HSF2BP: variants seen among roughly 807,000 people sequenced by gnomAD.
The protein encoded by HSF2BP is heat shock transcription factor 2 binding protein, also known as heat shock factor 2-binding protein.
Under a neutral mutation model 35.0 loss-of-function variants are expected in HSF2BP, and 35 were observed. The ratio of observed to expected loss-of-function variants is 1.00; its 90% CI spans 0.76 to 1.32. HSF2BP has a LOEUF of 1.32. Ranked by LOEUF, HSF2BP falls within the 40% of genes most tolerant of loss-of-function variation. HSF2BP has a pLI of 0.00. For missense variants in HSF2BP, 326 were observed against 321.7 expected (o/e 1.01, Z -0.10); for synonymous variants, 114 against 117.4 (o/e 0.97, Z 0.18).
At position 43,597,065 on chromosome 21, in the gene HSF2BP, C is replaced by T. The variant is rs1032769724; in HGVS notation, c.693-4737G>A. On this transcript the variant is annotated intron_variant, in intron 7 of 8. Transcript: ENST00000291560. The surrounding 1 kb of genome is among the most constrained non-coding windows in gnomAD (Gnocchi z 4.3). ...GGTGGAAAGAAAGGGAAGAAGATAC[C>T]TAGAAAGGAGGGTTTCAGAACAAGG... is the stretch of plus-strand genomic sequence containing the variant. Among the ~76,000 whole-genome samples, 4 of 152,008 alleles carry T rather than the reference C, an allele frequency of 2.6e-5. No individual in the cohort carries two copies. Among genetic ancestry groups the T allele is most frequent in the African/African-American group, 9.7e-5 (4 of 41,376 alleles).
At position 43,613,877 on chromosome 21, in the gene HSF2BP, C is replaced by A; in HGVS notation, c.645G>T (p.Leu215Phe). ...NSSRVLLDTILQLLGDLKPGQ... is the reference protein window; with the variant it reads ...NSSRVLLDTIFQLLGDLKPGQ... Reference sequence around the variant, plus strand: ...CTGGCTTCAAGTCTCCCAGAAGCTGCAATATGGTGTCCAAGAGCACCCGGC... The same window carrying A: ...CTGGCTTCAAGTCTCCCAGAAGCTGAAATATGGTGTCCAAGAGCACCCGGC... Residue 215 changes from leucine (L) to phenylalanine (F), a missense_variant, in exon 7 of 9, where the codon TTG (leucine) becomes TTT (phenylalanine). Physicochemically the swap from Leu to Phe is conservative, Grantham distance 22. Coordinates refer to ENST00000291560, the MANE Select transcript of HSF2BP (RefSeq NM_007031.2). The A allele has an allele frequency of 6.2e-7, 1 of 1,613,820 alleles. No homozygotes were observed. The highest frequency in any genetic ancestry group is 1.3e-5 in the African/African-American group (1 of 75,038).
intron 7 of HSF2BP, among the ~76,000 whole-genome samples, chr21:43,599,056 AAAAGC>A (rs1289114551): frequency 6.6e-6 from 1 of 152,274 alleles, no homozygotes; most frequent in Admixed American, 6.5e-5. Flanking sequence ...GTATGTCTTA[AAAAGC>A]AAAGCTAGCA....
intron 8 of HSF2BP, among the ~76,000 whole-genome samples, chr21:43,575,652 T>C (rs527680382): frequency 8.2e-4 from 125 of 152,268 alleles, no homozygotes; most frequent in Non-Finnish European, 1.6e-3. Flanking sequence ...GCCAAATAAA[T>C]AGGAAGTGCA....
chr21:43,635,379 G>GA (rs1171654352), intron 4 of HSF2BP, among the ~76,000 whole-genome samples: 1 of 152,080 alleles, frequency 6.6e-6, no homozygotes, highest in Non-Finnish European at 1.5e-5. Context: ...AAAATTGTCT[G>GA]AAAAAGAAGA....
chr21:43,650,032 A>C (rs1257505258), intron 3 of HSF2BP, among the ~76,000 whole-genome samples: 1 of 152,228 alleles, frequency 6.6e-6, no homozygotes, highest in Non-Finnish European at 1.5e-5. Flanking sequence ...CTGGATGCTG[A>C]AAGTGATCAT....
chr21:43,596,625 G>A (rs1195741238), intron 7 of HSF2BP, among the ~76,000 whole-genome samples: 4 of 152,128 alleles, frequency 2.6e-5, no homozygotes. Context: ...CAGCACTTTG[G>A]GAGGCCAACA....
chr21:43,624,213 T>A (rs765925284), intron 6 of HSF2BP, among the ~76,000 whole-genome samples: 2 of 152,070 alleles, frequency 1.3e-5, no homozygotes, highest in African/African-American at 2.4e-5. Context: ...TCCATAACAG[T>A]CAAAAGGTGG....
chr21:43,656,668 T>C lies in HSF2BP; in HGVS notation c.106A>G (p.Met36Val). The change falls in exon 3 of 9, where the codon ATG becomes GTG. Residue 36 changes from methionine to valine, a missense_variant. By Grantham distance (21) the Met-to-Val change is conservative. Transcript: ENST00000291560. ...KDLERLTTEVMQIRDFLPRIL... is the reference protein window; with the variant it reads ...KDLERLTTEVVQIRDFLPRIL... ...CTGGGTAAGAAGTCCCGTATTTGCA[T>C]CACTTCAGTTGTCAGCCGTTCCAGA... The C allele has an allele frequency of 8.1e-6, 13 of 1,613,986 alleles. No individual in the cohort carries two copies. The highest frequency in any genetic ancestry group is 1.1e-5 in the Non-Finnish European group (13 of 1,179,828).
intron 6 of HSF2BP, among the ~76,000 whole-genome samples, chr21:43,616,263 C>G (rs1372791902): frequency 1.3e-5 from 2 of 152,162 alleles, no homozygotes; most frequent in African/African-American, 4.8e-5. Context: ...CCACTTTGGT[C>G]TCCTGCCACT....
chr21:43,593,027 C>T (rs1202222310), intron 7 of HSF2BP, among the ~76,000 whole-genome samples: 1 of 152,070 alleles, frequency 6.6e-6, no homozygotes, highest in Non-Finnish European at 1.5e-5. Flanking sequence ...TTTGCAAAGC[C>T]TTTGAAATAA....
intron 3 of HSF2BP, among the ~76,000 whole-genome samples, chr21:43,653,254 G>A (rs2082820548): frequency 7.2e-6 from 1 of 139,428 alleles, no homozygotes; most frequent in South Asian, 2.6e-4. Context: ...GGAGGGGAGG[G>A]GAGGGAAGGG....
chr21:43,617,347 G>T (rs574343600), intron 6 of HSF2BP, among the ~76,000 whole-genome samples: 5 of 151,816 alleles, frequency 3.3e-5, no homozygotes, highest in African/African-American at 1.2e-4. Flanking sequence ...TGCCAATGCT[G>T]CATTTCATTA....
intron 3 of HSF2BP, among the ~76,000 whole-genome samples, chr21:43,654,872 C>T (rs897439255): frequency 1.3e-5 from 2 of 152,052 alleles, no homozygotes; most frequent in African/African-American, 4.8e-5. Flanking sequence ...GTCTCAAGCC[C>T]TATTGGAAGG....
At chr21:43,636,061 AT>A (rs1363695407) in intron 4 of HSF2BP, among the ~76,000 whole-genome samples, 3 of 150,808 alleles carry the variant, frequency 2.0e-5, no homozygotes, top group East Asian at 1.9e-4. Flanking sequence ...AAAAAAAAAA[AT>A]TTTTTTTAAA....
chr21:43,596,755 A>G lies in HSF2BP; in HGVS notation c.693-4427T>C, dbSNP rs545550315. Among the ~76,000 whole-genome samples, 32 of 152,130 alleles carry G rather than the reference A, an allele frequency of 2.1e-4. 1 individual carries two copies. The South Asian group carries it at 6.0e-3, about 29-fold the overall frequency. On this transcript the variant is annotated intron_variant, in intron 7 of 8. Transcript: ENST00000291560. Reference sequence around the variant, plus strand: ...AACCATTAGATAGGCATGGTGACACATGCCTAGAGTCTCAGCTACTCGGAA... The same window carrying G: ...AACCATTAGATAGGCATGGTGACACGTGCCTAGAGTCTCAGCTACTCGGAA...
chr21:43,631,844 A>G (rs1489005704), intron 5 of HSF2BP, among the ~76,000 whole-genome samples: 1 of 152,010 alleles, frequency 6.6e-6, no homozygotes, highest in East Asian at 1.9e-4. Flanking sequence ...TTCCCTGACA[A>G]ATGCCTGCAC....
intron 8 of HSF2BP, among the ~76,000 whole-genome samples, chr21:43,589,689 A>T (rs1158699412): frequency 6.6e-6 from 1 of 152,240 alleles, no homozygotes; most frequent in African/African-American, 2.4e-5. Context: ...AACAGAACAG[A>T]ATCCAAAATG....
intron 4 of HSF2BP, among the ~76,000 whole-genome samples, chr21:43,642,541 T>C (rs1296414680): frequency 6.6e-6 from 1 of 152,116 alleles, no homozygotes; most frequent in Non-Finnish European, 1.5e-5. Context: ...TCCCTCTGTA[T>C]TCACCTTGCA....
Position 43,610,648 on chromosome 21 carries a change from AT to A in HSF2BP, c.692+3181del, listed in dbSNP as rs1021241989. On this transcript the variant is annotated intron_variant, in intron 7 of 8. Coordinates refer to ENST00000291560, the MANE Select transcript of HSF2BP (RefSeq NM_007031.2). ...CACCTCTCTCTCCATATACACATAT[AT>A]TTTTTCTCTTTAGAGGAATATAATA... is the stretch of plus-strand genomic sequence containing the variant. Among the ~76,000 whole-genome samples the A allele has an allele frequency of 2.0e-5, 3 of 151,982 alleles. No individual in the cohort carries two copies. The East Asian group carries it at 5.8e-4, about 29-fold the overall frequency.
Sources: gnomAD v4.1 joint callset for allele counts (sites outside exome capture counted in the v4.1 genomes callset) on GRCh38, gnomAD v4.1.1 for gene constraint, Gnocchi (gnomAD v3.1) non-coding constraint, MANE v1.5 for transcripts, NCBI Gene and HGNC (gene_info 2026-07-23, HGNC 2026-07-21) for gene names.